Variants in TERF2 observed in about 807,000 individuals in gnomAD.
TERF2 encodes telomeric repeat-binding factor 2.
TERF2 carries 16 observed loss-of-function variants against 56.1 expected under a neutral mutation model. That is an observed-to-expected ratio of 0.29 (90% CI 0.19 to 0.43). The LOEUF is 0.43. Among genes scored for constraint, TERF2 ranks in the 20% least tolerant of loss-of-function variants. The pLI, the probability that TERF2 is intolerant of heterozygous loss-of-function variation, is 1.00. For synonymous variants in TERF2, 296 were observed against 282.1 expected (o/e 1.05, Z -0.50); for missense variants, 547 against 712.9 (o/e 0.77, Z 2.65).
intron 3 of TERF2, among the ~76,000 whole-genome samples, chr16:69,376,345 A>T (rs1031112354): frequency 6.6e-6 from 1 of 151,798 alleles, no homozygotes; most frequent in Non-Finnish European, 1.5e-5. Flanking sequence ...TTTGTCAAAA[A>T]TCAATCAGTC....
At chr16:69,369,465 A>AT (rs2013483971) in intron 5 of TERF2, among the ~76,000 whole-genome samples, 6 of 152,074 alleles carry the variant, frequency 3.9e-5, no homozygotes, top group Admixed American at 2.6e-4. Flanking sequence ...CACCTGGCTA[A>AT]TTTTTGTATT....
intron 4 of TERF2, 133 bp from the exon 5 acceptor site, chr16:69,370,762 A>G: frequency 1.2e-6 from 1 of 857,610 alleles, no homozygotes; most frequent in Non-Finnish European, 1.8e-6. Flanking sequence ...ACATACAGGA[A>G]GGGAAGCCCA....
chr16:69,364,623 C>A (rs2013271045), intron 7 of TERF2, among the ~76,000 whole-genome samples: 1 of 151,996 alleles, frequency 6.6e-6, no homozygotes, highest in South Asian at 2.1e-4. Flanking sequence ...GAGGGGCACA[C>A]CAGGCTTTCT....
Position 69,368,778 on chromosome 16 carries a change from G to A in TERF2, c.841-296C>T, listed in dbSNP as rs556027017. Among the ~76,000 whole-genome samples, 24 of 152,294 alleles carry A rather than the reference G, an allele frequency of 1.6e-4. No homozygotes were observed. In the South Asian group the frequency reaches 4.8e-3, roughly 30 times the overall value. On this transcript the variant is annotated intron_variant, in intron 5 of 9. Transcript: ENST00000254942. ...TGCAATCTCCACCTCCTGGGTTCAA[G>A]CAATTCTCCCATCTCGGCCTCCCAA...
chr16:69,368,267 C>T (rs544676933), intron 6 of TERF2, 109 bp downstream of exon 6: 1 of 984,438 alleles, frequency 1.0e-6, no homozygotes, highest in Non-Finnish European at 1.5e-6. Context: ...CCTCGTAACA[C>T]GTTAGTAGGT....
In TERF2 at chr16:69,363,365, C is replaced by T. The variant is rs35238280; in HGVS notation, c.1341-1876G>A. On this transcript the variant is annotated intron_variant, in intron 7 of 9. Transcript: ENST00000254942. ...CTCTGTTGAACTCTCAGCACTATTA[C>T]CTGTACAAATACATGCTTTGGTGGT... 1.7e-4 allele frequency among the ~76,000 whole-genome samples: 26 copies of T among 152,252 alleles called. No homozygotes were observed. In the South Asian group the frequency reaches 2.7e-3, roughly 16 times the overall value.
intron 3 of TERF2, 102 bp downstream of exon 3, chr16:69,384,478 A>C (rs2014115937): frequency 8.0e-7 from 1 of 1,244,268 alleles, no homozygotes; most frequent in Admixed American, 2.6e-5. Context: ...ATCTCTCCCC[A>C]TTGCTGTTTT....
intron 9 of TERF2, 67 bp from the exon 10 acceptor site, chr16:69,357,123 T>C (rs1470008488): frequency 6.6e-6 from 10 of 1,512,100 alleles, no homozygotes; most frequent in Non-Finnish European, 8.9e-6. Flanking sequence ...TTCTCCAATG[T>C]AGTGATAAGG....
intron 8 of TERF2, among the ~76,000 whole-genome samples, chr16:69,358,996 A>T (rs962720375): frequency 5.9e-5 from 9 of 152,242 alleles, no homozygotes; most frequent in Non-Finnish European, 1.3e-4. Context: ...TTGTGTATCT[A>T]AACATATCTA....
At chr16:69,362,920 G>A in intron 7 of TERF2, among the ~76,000 whole-genome samples, 1 of 152,144 alleles carries the variant, frequency 6.6e-6, no homozygotes, top group East Asian at 1.9e-4. Flanking sequence ...TTTTAATGCT[G>A]TTTGGGTATT....
At chr16:69,380,609 A>C (rs959422181) in intron 3 of TERF2, among the ~76,000 whole-genome samples, 3 of 150,990 alleles carry the variant, frequency 2.0e-5, no homozygotes, top group Non-Finnish European at 4.4e-5. Context: ...GTAAGCCGAG[A>C]TCACGCCACT....
chr16:69,361,372 C>T, intron 8 of TERF2, 32 bp downstream of exon 8: 1 of 1,490,442 alleles, frequency 6.7e-7, no homozygotes, highest in Non-Finnish European at 9.4e-7. Context: ...CAGCAAGCAT[C>T]AAGAAGAGGC....
intron 3 of TERF2, among the ~76,000 whole-genome samples, chr16:69,380,561 G>A (rs1236589684): frequency 6.6e-6 from 1 of 151,326 alleles, no homozygotes; most frequent in African/African-American, 2.4e-5. Context: ...GGGAGGCTGA[G>A]GTGTAGAACT....
Position 69,367,006 on chromosome 16 carries a change from A to G in TERF2, c.1141T>C (p.Ser381Pro). 6.2e-7 allele frequency: 1 copy of G among 1,614,164 alleles called. No homozygotes were observed. The highest frequency in any genetic ancestry group is 8.5e-7 in the Non-Finnish European group (1 of 1,180,036). ...KRPRKDENESSAPADGEGGSE... is the reference protein window; with the variant it reads ...KRPRKDENESPAPADGEGGSE... ...CCACCCTCACCGTCAGCCGGGGCTG[A>G]ACTTTCGTTTTCATCTTTTCTGGGT... The change falls in exon 7 of 10, where the codon TCA (serine) becomes CCA (proline). Residue 381 changes from serine (S) to proline (P), a missense_variant. Ser to Pro is a moderately conservative substitution (Grantham distance 74, BLOSUM62 -1). Coordinates refer to ENST00000254942, the MANE Select transcript of TERF2 (RefSeq NM_005652.5).
intron 3 of TERF2, among the ~76,000 whole-genome samples, chr16:69,377,209 A>T (rs192245246): frequency 6.6e-6 from 1 of 152,168 alleles, no homozygotes; most frequent in African/African-American, 2.4e-5. Flanking sequence ...TCTCAAAAAA[A>T]AAAAAAAGAA....
chr16:69,378,272 G>C (rs938619402), intron 3 of TERF2, among the ~76,000 whole-genome samples: 2 of 152,154 alleles, frequency 1.3e-5, no homozygotes, highest in African/African-American at 4.8e-5. Flanking sequence ...TCTGCACCCA[G>C]GGCCAAGCAG....
intron 3 of TERF2, among the ~76,000 whole-genome samples, chr16:69,380,436 G>A (rs910150498): frequency 1.3e-5 from 2 of 151,748 alleles, no homozygotes; most frequent in African/African-American, 4.8e-5. Flanking sequence ...CAAGGCGGGT[G>A]GATCATGAGG....
intron 3 of TERF2, 107 bp downstream of exon 3, chr16:69,384,473 T>C (rs1597264061): frequency 8.5e-7 from 1 of 1,172,104 alleles, no homozygotes; most frequent in Non-Finnish European, 1.2e-6. Flanking sequence ...GCTCAATCTC[T>C]CCCCATTGCT....
intron 4 of TERF2, among the ~76,000 whole-genome samples, chr16:69,371,328 G>A (rs550302592): frequency 4.6e-5 from 7 of 151,336 alleles, no homozygotes; most frequent in South Asian, 2.1e-4. Flanking sequence ...TTAAAACCCC[G>A]TCTCTACTAA....
Sources: gnomAD v4.1 joint callset for allele counts (sites outside exome capture counted in the v4.1 genomes callset) on GRCh38, gnomAD v4.1.1 for gene constraint, MANE v1.5 for transcripts, NCBI Gene and HGNC (gene_info 2026-07-23, HGNC 2026-07-21) for gene names.